The following TMEM45A variants were observed in gnomAD, a reference collection of about 807,000 sequenced individuals.
TMEM45A encodes the protein transmembrane protein 45A.
In TMEM45A, 25 loss-of-function variants were observed where a neutral mutation model predicts 32.0. The ratio of observed to expected loss-of-function variants is 0.78; its 90% CI spans 0.57 to 1.09. The LOEUF (loss-of-function observed/expected upper bound fraction) is 1.09, where lower values mean the gene tolerates loss of function less well. Among genes scored for constraint, TMEM45A ranks in the 50% least tolerant of loss-of-function variants. The pLI is 0.00. For missense variants in TMEM45A, 302 were observed against 325.0 expected, an observed-to-expected ratio of 0.93 and a Z score of 0.54; for synonymous variants, 122 against 114.8, an observed-to-expected ratio of 1.06 and a Z score of -0.40.
At chr3:100,525,633 G>A (rs151295190) in intron 1 of TMEM45A, among the ~76,000 whole-genome samples, 1 of 152,338 alleles carries the variant, frequency 6.6e-6, no homozygotes, top group African/African-American at 2.4e-5. Flanking sequence ...TGCCTTGAGG[G>A]AGGCTCTTCC....
chr3:100,502,830 A>T (rs1708023934), intron 1 of TMEM45A, among the ~76,000 whole-genome samples: 1 of 152,202 alleles, frequency 6.6e-6, no homozygotes, highest in African/African-American at 2.4e-5. Context: ...GGAAGAAAAA[A>T]ATTATAGAAA....
chr3:100,514,928 T>A (rs1175154962), intron 1 of TMEM45A, among the ~76,000 whole-genome samples: 2 of 145,326 alleles, frequency 1.4e-5, no homozygotes, highest in Non-Finnish European at 3.1e-5. Flanking sequence ...CACAATGAGA[T>A]ACCATCTCAC....
At chr3:100,560,490 G>C (rs1328849416) in intron 4 of TMEM45A, among the ~76,000 whole-genome samples, 1 of 151,702 alleles carries the variant, frequency 6.6e-6, no homozygotes, top group African/African-American at 2.4e-5. Flanking sequence ...AGTTATTTAG[G>C]AGTACACTTT....
intron 5 of TMEM45A, chr3:100,572,657 C>T (rs1028383805): frequency 4.0e-5 from 6 of 151,894 alleles, no homozygotes; most frequent in Admixed American, 1.3e-4. Flanking sequence ...TTGGTGTTTT[C>T]GACATGAAGT....
intron 1 of TMEM45A, among the ~76,000 whole-genome samples, chr3:100,543,573 G>A (rs373156784): frequency 7.6e-4 from 115 of 152,054 alleles, no homozygotes; most frequent in African/African-American, 2.6e-3. Context: ...TTTTTAATTT[G>A]GTTTTCTTTG....
chr3:100,495,206 CTTAGGAA>C (rs1342539274), intron 1 of TMEM45A, among the ~76,000 whole-genome samples: 3 of 152,126 alleles, frequency 2.0e-5, no homozygotes, highest in Non-Finnish European at 4.4e-5. Flanking sequence ...AATTGATCTT[CTTAGGAA>C]GATCTAGAAG....
chr3:100,494,824 G>GC (rs967618655), intron 1 of TMEM45A, among the ~76,000 whole-genome samples: 4 of 152,096 alleles, frequency 2.6e-5, no homozygotes, highest in Non-Finnish European at 5.9e-5. Flanking sequence ...AAGTTACTCA[G>GC]CCCCCCTGTG....
intron 1 of TMEM45A, among the ~76,000 whole-genome samples, chr3:100,544,669 T>G (rs1705950584): frequency 1.3e-5 from 2 of 152,164 alleles, no homozygotes; most frequent in Admixed American, 6.5e-5. Flanking sequence ...TTGAGATTAA[T>G]TCAGGTTTTT....
At position 100,492,755 on chromosome 3, in the gene TMEM45A, T is replaced by TCCCCCCCCCCCCCCC. The variant is rs755848570; in HGVS notation, c.-175_-174insCCCCCCCCCCCCCCC. 5.6e-5 allele frequency: 8 copies of TCCCCCCCCCCCCCCC among 143,522 alleles called. No individual in the cohort carries two copies. The highest frequency in any genetic ancestry group is 9.1e-5 in the Non-Finnish European group (6 of 65,990). 8.9% of individuals were successfully genotyped at this position (143,522 alleles called of 1,614,324 possible). On this transcript the variant is annotated 5_prime_UTR_variant, in exon 1 of 6. Coordinates refer to ENST00000323523, the MANE Select transcript of TMEM45A (RefSeq NM_018004.3). ...CGACTAGGGACCCAAGTTTAAAAAT[T>TCCCCCCCCCCCCCCC]CCTCCCCCCACCCAATGCGAGACGT...
At chr3:100,524,135 T>C (rs1049674785) in intron 1 of TMEM45A, among the ~76,000 whole-genome samples, 1 of 152,224 alleles carries the variant, frequency 6.6e-6, no homozygotes, top group East Asian at 1.9e-4. Context: ...GAAATCTAGA[T>C]GGCAAGCTGG....
At position 100,556,957 on chromosome 3, in the gene TMEM45A, G is replaced by A. The variant is rs925973382; in HGVS notation, c.388G>A (p.Ala130Thr). The change falls in exon 3 of 6, where the codon GCC (alanine) becomes ACC (threonine). Residue 130 changes from alanine to threonine, a missense_variant. Transcript: ENST00000323523. Reference protein sequence around the residue: ...VSLTKLMLSNALFVEAFIFYN... With the variant: ...VSLTKLMLSNTLFVEAFIFYN... ...CTTAACCAAGTTAATGTTGTCAAAT[G>A]CCTTATTTGTGGAGGGTAAGTGTTA... 12 of 1,614,126 alleles carry A rather than the reference G, an allele frequency of 7.4e-6. No homozygotes were observed. The highest frequency in any genetic ancestry group is 1.6e-4 in the Middle Eastern group (1 of 6,062).
intron 1 of TMEM45A, among the ~76,000 whole-genome samples, chr3:100,509,559 T>A (rs1237084416): frequency 2.0e-5 from 3 of 152,098 alleles, no homozygotes; most frequent in Non-Finnish European, 4.4e-5. Flanking sequence ...AATGAATGAA[T>A]GGGTAAAGAA....
chr3:100,554,367 T>G (rs1026389127), intron 1 of TMEM45A, among the ~76,000 whole-genome samples: 1 of 152,210 alleles, frequency 6.6e-6, no homozygotes, highest in African/African-American at 2.4e-5. Context: ...TAAGGGATTG[T>G]TTCTTACAAA....
At chr3:100,514,820 A>C (rs1361587088) in intron 1 of TMEM45A, among the ~76,000 whole-genome samples, 2 of 150,738 alleles carry the variant, frequency 1.3e-5, no homozygotes, top group Non-Finnish European at 3.0e-5. Flanking sequence ...GGCGAAGGAC[A>C]TGAACAGACA....
intron 1 of TMEM45A, among the ~76,000 whole-genome samples, chr3:100,554,212 G>A (rs544176793): frequency 6.6e-5 from 10 of 151,602 alleles, no homozygotes; most frequent in African/African-American, 9.7e-5. Context: ...AAAAATGGAG[G>A]GTATTACTGT....
At chr3:100,534,136 T>C (rs1705698989) in intron 1 of TMEM45A, among the ~76,000 whole-genome samples, 1 of 152,212 alleles carries the variant, frequency 6.6e-6, no homozygotes, top group South Asian at 2.1e-4. Context: ...CCCTCTTCTG[T>C]TGGCGATTTA....
chr3:100,555,346 A>G lies in TMEM45A; in HGVS notation c.135A>G (p.Leu45=). The G allele has an allele frequency of 1.2e-6, 2 of 1,613,992 alleles. No homozygotes were observed. The highest frequency in any genetic ancestry group is 1.3e-5 in the African/African-American group (1 of 75,036). ...KRTCYLGSKT[L]FYRLEILEGI... ...CCTGCTATCTTGGTTCCAAAACATT[A>G]TTCTATCGATTGGAAATTTTGGAGG... The change falls in exon 2 of 6, where the codon TTA becomes TTG. Residue 45 remains leucine (L), a synonymous_variant. Coordinates refer to ENST00000323523, the MANE Select transcript of TMEM45A (RefSeq NM_018004.3).
intron 1 of TMEM45A, among the ~76,000 whole-genome samples, chr3:100,523,261 G>T (rs1462882301): frequency 6.6e-6 from 1 of 152,130 alleles, no homozygotes; most frequent in South Asian, 2.1e-4. Context: ...AACTGGTCTG[G>T]GTGGAATTCA....
At chr3:100,502,815 A>G (rs972069420) in intron 1 of TMEM45A, among the ~76,000 whole-genome samples, 11 of 152,364 alleles carry the variant, frequency 7.2e-5, no homozygotes, top group African/African-American at 2.6e-4. Context: ...TAAAAATGTT[A>G]GCAAGGAAGA....
Sources: gnomAD v4.1 joint callset for allele counts (sites outside exome capture counted in the v4.1 genomes callset) on GRCh38, gnomAD v4.1.1 for gene constraint, MANE v1.5 for transcripts, NCBI Gene and HGNC (gene_info 2026-07-23, HGNC 2026-07-21) for gene names.